The following HK1 variants were observed in gnomAD, a reference collection of about 807,000 sequenced individuals.
HK1 encodes hexokinase-1.
In HK1, 28 loss-of-function variants were observed where a neutral mutation model predicts 91.6. The ratio of observed to expected loss-of-function variants is 0.31; its 90% CI spans 0.23 to 0.42. The LOEUF (loss-of-function observed/expected upper bound fraction) is 0.42. Ranked by LOEUF, HK1 falls within the 10% of genes least tolerant of loss-of-function variation. HK1 has a pLI of 1.00. For missense variants in HK1, 770 were observed against 1,219.8 expected (o/e 0.63, Z 5.49); for synonymous variants, 430 against 468.1 (o/e 0.92, Z 1.05).
rs146945796 is a variant in HK1, at chr10:69,296,721, G to T, written c.-67+1041G>T. On this transcript the variant is annotated intron_variant, in intron 4 of 21. Transcript: ENST00000360289. The stretch of plus-strand genomic sequence containing the variant: ...AGAGAGAGCAGCATGTGCCAAAACA[G>T]AGCCTGCAAAAATGGGAAAAAGCTG... Among the ~76,000 whole-genome samples, 17 of 152,298 alleles carry T rather than the reference G, an allele frequency of 1.1e-4. No homozygotes were observed. In the East Asian group the frequency reaches 3.1e-3, roughly 28 times the overall value.
At chr10:69,388,361 T>A (rs147344065) in intron 13 of HK1, among the ~76,000 whole-genome samples, 3 of 152,222 alleles carry the variant, frequency 2.0e-5, no homozygotes, top group African/African-American at 4.8e-5. Flanking sequence ...GTGGGCGGAT[T>A]ACTTGAGCTT....
intron 4 of HK1, chr10:69,300,677 G>A (rs1372167140): frequency 4.4e-5 from 36 of 811,728 alleles, no homozygotes; most frequent in East Asian, 1.7e-4. Flanking sequence ...TTTCAAATTC[G>A]CCAATATAAC....
Position 69,318,882 on chromosome 10 carries a change from G to A in HK1, c.-66G>A. On this transcript the variant is annotated 5_prime_UTR_variant, in exon 1 of 18. Coordinates refer to ENST00000359426, the MANE Select transcript of HK1 (RefSeq NM_000188.3). ...CGCCGAGCAGCCGCCGGAGGACCAC[G>A]GCTCGCCAGGGCTGCGGAGGACCGA... The A allele has an allele frequency of 2.0e-6, 3 of 1,521,394 alleles. No homozygotes were observed. The highest frequency in any genetic ancestry group is 2.6e-6 in the Non-Finnish European group (3 of 1,134,538). 94.2% of individuals were successfully genotyped at this position (1,521,394 alleles called of 1,614,324 possible).
chr10:69,335,857 G>A (rs1847952442), intron 1 of HK1, among the ~76,000 whole-genome samples: 1 of 152,212 alleles, frequency 6.6e-6, no homozygotes, highest in African/African-American at 2.4e-5. Context: ...CATCGGACCG[G>A]GAGGGGTCCT....
intron 2 of HK1, among the ~76,000 whole-genome samples, chr10:69,356,939 G>A (rs1041282590): frequency 1.6e-4 from 23 of 147,808 alleles, no homozygotes; most frequent in African/African-American, 5.3e-4. Flanking sequence ...AATGAGCAAA[G>A]GATCTGAATA....
chr10:69,323,623 C>G (rs1417349009), intron 1 of HK1, among the ~76,000 whole-genome samples: 4 of 151,772 alleles, frequency 2.6e-5, no homozygotes, highest in Non-Finnish European at 4.4e-5. Flanking sequence ...CTTGGTGAAT[C>G]TTGACTTTAT....
rs199638232 is a variant in HK1, at chr10:69,393,966, G to GT, written c.2220-982dup. Among the ~76,000 whole-genome samples the GT allele has an allele frequency of 9.1e-4, 139 of 152,216 alleles. 1 individual carries two copies. The East Asian group carries it at 0.022, about 24-fold the overall frequency. On this transcript the variant is annotated intron_variant, in intron 15 of 17. Coordinates refer to ENST00000359426, the MANE Select transcript of HK1 (RefSeq NM_000188.3). ...GGGGGATCAGCAAGTGTTGGAAGGG[G>GT]TTAAGGACATGTCAGCACCAAACTG...
chr10:69,306,787 T>G (rs1177704789), intron 5 of HK1, among the ~76,000 whole-genome samples: 1 of 152,164 alleles, frequency 6.6e-6, no homozygotes, highest in Non-Finnish European at 1.5e-5. Context: ...ATGAGCAAAT[T>G]GTGAGGGAAG....
In HK1 at chr10:69,401,519, C is replaced by T. The variant is rs187241214; in HGVS notation, c.*384C>T. The T allele has an allele frequency of 1.5e-4, 53 of 358,914 alleles. 1 individual carries two copies. In the Admixed American group the frequency reaches 2.2e-3, roughly 15 times the overall value. 22.2% of individuals were successfully genotyped at this position (358,914 alleles called of 1,614,324 possible). A position where few individuals can be genotyped will look rare whatever the true frequency, so the allele number is the denominator to read the frequency against. ...TCCAAAGCCCATCCTTGGGGTTCCC[C>T]CTCCCTGTGTGAAATGTATTATCAC... is the stretch of plus-strand genomic sequence containing the variant. On this transcript the variant is annotated 3_prime_UTR_variant, in exon 18 of 18. Transcript: ENST00000359426.
intron 1 of HK1, among the ~76,000 whole-genome samples, chr10:69,329,830 C>G (rs547337275): frequency 8.5e-5 from 13 of 152,146 alleles, no homozygotes; most frequent in African/African-American, 2.9e-4. Context: ...AGCATGGTGT[C>G]TCCTGCCTGT....
intron 7 of HK1, among the ~76,000 whole-genome samples, chr10:69,373,325 T>C (rs72807731): frequency 0.036 from 5,511 of 152,270 alleles, 167 homozygotes; most frequent in African/African-American, 0.078. Context: ...AGGGAGGACA[T>C]TGTCATAATA....
chr10:69,400,581 G>A (rs1251313049), intron 17 of HK1, among the ~76,000 whole-genome samples: 2 of 152,130 alleles, frequency 1.3e-5, no homozygotes, highest in African/African-American at 4.8e-5. Flanking sequence ...CATCCTCCTT[G>A]GTTTTGAGGT....
At position 69,380,665 on chromosome 10, in the gene HK1, C is replaced by T. The variant is rs905205937; in HGVS notation, c.1265+570C>T. Among the ~76,000 whole-genome samples, 1 of 152,172 alleles carries T rather than the reference C, an allele frequency of 6.6e-6. No homozygotes were observed. Among genetic ancestry groups the T allele is most frequent in the Admixed American group, 6.5e-5 (1 of 15,270 alleles). On this transcript the variant is annotated intron_variant, in intron 9 of 17. Coordinates refer to ENST00000359426, the MANE Select transcript of HK1 (RefSeq NM_000188.3). This position sits in a 1 kb window ranked among gnomAD's most constrained non-coding sequence, Gnocchi z 4.0. ...GCTTGGCCTCTGAGAGCTGGAGCTG[C>T]AGGAGCTGTAAGTTGTCCCCATTGG...
chr10:69,272,625 T>C (rs1259778729), intron 1 of HK1, among the ~76,000 whole-genome samples: 1 of 150,170 alleles, frequency 6.7e-6, no homozygotes, highest in East Asian at 2.0e-4. Flanking sequence ...GGGAAGTCAG[T>C]TATAATTCTT....
chr10:69,399,131 G>C (rs1272311665), intron 17 of HK1, among the ~76,000 whole-genome samples: 1 of 152,220 alleles, frequency 6.6e-6, no homozygotes, highest in Non-Finnish European at 1.5e-5. Flanking sequence ...GGGAGAGGAG[G>C]TGAGGGTGGG....
rs1258934223 is a variant in HK1, at chr10:69,398,682, A to T, written c.2463A>T (p.Thr821=). Residue 821 remains threonine, a synonymous_variant, in exon 17 of 18, where the codon ACA becomes ACT. Coordinates refer to ENST00000359426, the MANE Select transcript of HK1 (RefSeq NM_000188.3). ...GCGATGACAGTATCCTCGTCAAGAC[A>T]GTGTGCGGGGTGGTGTCCAGGAGGG... The part of the protein sequence containing the change: ...STCDDSILVK[T]VCGVVSRRAA... The T allele has an allele frequency of 6.2e-7, 1 of 1,614,208 alleles. No individual in the cohort carries two copies. The highest frequency in any genetic ancestry group is 1.7e-5 in the Admixed American group (1 of 60,028).
At chr10:69,331,545 A>G (rs1246704022) in intron 1 of HK1, among the ~76,000 whole-genome samples, 2 of 152,226 alleles carry the variant, frequency 1.3e-5, no homozygotes, top group Non-Finnish European at 2.9e-5. Flanking sequence ...CAAAAATTTC[A>G]TGTGACACAA....
At chr10:69,275,223 A>G (rs199838150) in intron 1 of HK1, among the ~76,000 whole-genome samples, 1 of 75,940 alleles carries the variant, frequency 1.3e-5, no homozygotes, top group South Asian at 6.5e-4. Context: ...AAACCAAAAA[A>G]CAAAAAACCT....
chr10:69,316,203 A>G (rs10998714), upstream of HK1, among the ~76,000 whole-genome samples: 3,117 of 152,188 alleles, frequency 0.02, 110 homozygotes, highest in African/African-American at 0.069. Flanking sequence ...GGAGGAAGAG[A>G]TAAGTGGGAA....
Sources: allele counts gnomAD v4.1 joint callset (sites outside exome capture counted in the v4.1 genomes callset), GRCh38; gene constraint gnomAD v4.1.1; non-coding constraint Gnocchi (gnomAD v3.1); transcripts MANE v1.5; gene names NCBI Gene and HGNC (gene_info 2026-07-23, HGNC 2026-07-21).